The following LGALSL variants were observed in gnomAD, a reference collection of about 807,000 sequenced individuals.
The protein encoded by LGALSL is galectin like, also known as galectin-related protein.
A neutral mutation model predicts 19.5 loss-of-function variants in LGALSL; 13 were observed. That is an observed-to-expected ratio of 0.67 (90% CI 0.43 to 1.06). LGALSL has a LOEUF of 1.06. LGALSL is among the 50% of genes least tolerant of loss of function. The pLI is 0.00. For missense variants in LGALSL, 189 were observed against 219.3 expected (o/e 0.86, Z 0.87); for synonymous variants, 86 against 78.3 (o/e 1.10, Z -0.52).
At position 64,454,853 on chromosome 2, in the gene LGALSL, A is replaced by C. The variant is rs576991654; in HGVS notation, c.36+272A>C. 1.3e-5 allele frequency among the ~76,000 whole-genome samples: 2 copies of C among 149,374 alleles called. No individual in the cohort carries two copies. The highest frequency in any genetic ancestry group is 3.0e-5 in the Non-Finnish European group (2 of 67,308). ...CCGACAGCCCCCTCTGTGCCGTGCA[A>C]CCGCCAGCCAGGTGTGCGCGTGGGT... On this transcript the variant is annotated intron_variant, in intron 1 of 4. Coordinates refer to ENST00000238875, the MANE Select transcript of LGALSL (RefSeq NM_014181.3). This position sits in a 1 kb window ranked among gnomAD's most constrained non-coding sequence, Gnocchi z 5.1.
At chr2:64,456,809 AAATATT>A (rs1035361130) in intron 4 of LGALSL, among the ~76,000 whole-genome samples, 6 of 152,230 alleles carry the variant, frequency 3.9e-5, no homozygotes, top group African/African-American at 1.2e-4. Flanking sequence ...CCCACTTATT[AAATATT>A]AATATTAATA....
chr2:64,460,509 G>A lies in LGALSL; in HGVS notation c.*2081G>A, dbSNP rs930866546. On this transcript the variant is annotated 3_prime_UTR_variant, in exon 5 of 5. Coordinates refer to ENST00000238875, the MANE Select transcript of LGALSL (RefSeq NM_014181.3). ...AATTCAGCAGAAACTAGAGGAGCAG[G>A]GCGTGTACTGATTGGAATTGACACG... The A allele has an allele frequency of 6.6e-6, 1 of 152,130 alleles. No homozygotes were observed. Among genetic ancestry groups the A allele is most frequent in the Admixed American group, 6.5e-5 (1 of 15,270 alleles). 9.4% of individuals were successfully genotyped at this position (152,130 alleles called of 1,614,324 possible).
At chr2:64,455,233 C>A in intron 1 of LGALSL, 111 bp from the exon 2 acceptor site, 1 of 777,466 alleles carries the variant, frequency 1.3e-6, no homozygotes, top group Non-Finnish European at 2.3e-6. Context: ...CATCTGCAGA[C>A]ACTGTGTGCA....
In LGALSL at chr2:64,454,707, C is replaced by T. The variant is rs1278631248; in HGVS notation, c.36+126C>T. 3.3e-5 allele frequency: 19 copies of T among 573,474 alleles called. No individual in the cohort carries two copies. The allele number at this position is 573,474 out of a possible 1,614,324, so 35.5% of individuals were successfully genotyped here. ...GGCCGGCGCCCGGCGCGTGGGAAGGCGCCCGGTACCTGTTAGCAGCCGCTG... is the reference window on the plus strand; with the variant it reads ...GGCCGGCGCCCGGCGCGTGGGAAGGTGCCCGGTACCTGTTAGCAGCCGCTG... On this transcript the variant is annotated intron_variant, in intron 1 of 4. Transcript: ENST00000238875. The surrounding 1 kb of genome is among the most constrained non-coding windows in gnomAD (Gnocchi z 5.1).
Position 64,456,439 on chromosome 2 carries a change from C to G in LGALSL, c.349C>G (p.Pro117Ala). The change falls in exon 4 of 5, where the codon CCA becomes GCA. Residue 117 changes from proline (P) to alanine (A), a missense_variant. Physicochemically the swap from Pro to Ala is conservative, Grantham distance 27. Transcript: ENST00000238875. ...AGAACAGTCAGCAATCCCTTACTTT[C>G]CATTCATTCCAGACCAGCCATTCAG... ...GEEQSAIPYF[P>A]FIPDQPFRVE... The G allele has an allele frequency of 1.3e-6, 2 of 1,597,254 alleles. No homozygotes were observed. Among genetic ancestry groups the G allele is most frequent in the Non-Finnish European group, 1.7e-6 (2 of 1,171,286 alleles).
Position 64,456,399 on chromosome 2 carries a change from T to A in LGALSL, c.309T>A (p.Ser103=), listed in dbSNP as rs750864390. The A allele has an allele frequency of 3.1e-6, 5 of 1,611,742 alleles. No homozygotes were observed. The highest frequency in any genetic ancestry group is 4.2e-6 in the Non-Finnish European group (5 of 1,178,928). ...AGCTACTCAGAAATTCTTGTATATC[T>A]GGGGAGAGGGGTGAAGAACAGTCAG... ...DRQLLRNSCI[S]GERGEEQSAI... The change falls in exon 4 of 5, where the codon TCT becomes TCA. Residue 103 remains serine, a synonymous_variant. Transcript: ENST00000238875.
intron 4 of LGALSL, 62 bp from the exon 5 acceptor site, chr2:64,458,223 T>G: frequency 6.9e-7 from 1 of 1,456,054 alleles, no homozygotes; most frequent in Non-Finnish European, 9.6e-7. Context: ...TAAAATGAAG[T>G]ATTGTTTGTT....
rs1400775121 is a variant in LGALSL, at chr2:64,460,235, C to T, written c.*1807C>T. 6.6e-6 allele frequency: 1 copy of T among 152,182 alleles called. No homozygotes were observed. Among genetic ancestry groups the T allele is most frequent in the African/African-American group, 2.4e-5 (1 of 41,438 alleles). 9.4% of individuals were successfully genotyped at this position (152,182 alleles called of 1,614,324 possible). A position where few individuals can be genotyped will look rare whatever the true frequency, so the allele number is the denominator to read the frequency against. On this transcript the variant is annotated 3_prime_UTR_variant, in exon 5 of 5. Transcript: ENST00000238875. ...ACTGTATCCAACAAGACTGGCTGTACATTGAAAAGCTTTATGTACCAGCCA... is the reference window on the plus strand; with the variant it reads ...ACTGTATCCAACAAGACTGGCTGTATATTGAAAAGCTTTATGTACCAGCCA...
At position 64,455,691 on chromosome 2, in the gene LGALSL, T is replaced by G; in HGVS notation, c.197+14T>G. The G allele has an allele frequency of 1.3e-6, 2 of 1,593,102 alleles. No individual in the cohort carries two copies. The highest frequency in any genetic ancestry group is 2.2e-5 in the South Asian group (2 of 90,600). On this transcript the variant is annotated intron_variant, in intron 3 of 4. Coordinates refer to ENST00000238875, the MANE Select transcript of LGALSL (RefSeq NM_014181.3). ...CAACCCAGAGAGGTAAGGCAGAGTC[T>G]TTGTCAGGACAGAACTATCAGGCTG...
intron 4 of LGALSL, among the ~76,000 whole-genome samples, chr2:64,456,921 G>A (rs1465402414): frequency 6.6e-6 from 1 of 152,112 alleles, no homozygotes; most frequent in Non-Finnish European, 1.5e-5. Context: ...TTGCTAATGA[G>A]GCCATGTTCG....
At chr2:64,455,149 G>A (rs1255586302) in intron 1 of LGALSL, among the ~76,000 whole-genome samples, 195 bp from the exon 2 acceptor site, 1 of 152,178 alleles carries the variant, frequency 6.6e-6, no homozygotes, top group Non-Finnish European at 1.5e-5. Flanking sequence ...ATCTTCAGAG[G>A]CTTAACTACC....
chr2:64,456,364 A>G lies in LGALSL; in HGVS notation c.274A>G (p.Thr92Ala), dbSNP rs371313570. Residue 92 changes from threonine (T) to alanine (A), a missense_variant, in exon 4 of 5, where the codon ACA becomes GCA. Around this residue, in one of 3 missense-constraint regions of LGALSL, gnomAD observed 106 missense variants for 119.3 expected, o/e 0.89. Transcript: ENST00000238875. ...DVAIELKAVFTDRQLLRNSCI... is the reference protein window; with the variant it reads ...DVAIELKAVFADRQLLRNSCI... ...GGCAATCGAACTCAAAGCTGTGTTC[A>G]CAGATCGGCAGCTACTCAGAAATTC... 1.5e-4 allele frequency: 247 copies of G among 1,612,310 alleles called. No homozygotes were observed. The highest frequency in any genetic ancestry group is 2.1e-4 in the Non-Finnish European group (242 of 1,179,266).
Position 64,458,972 on chromosome 2 carries a change from A to G in LGALSL, c.*544A>G, listed in dbSNP as rs1686778012. The G allele has an allele frequency of 6.6e-6, 1 of 152,200 alleles. No individual in the cohort carries two copies. The highest frequency in any genetic ancestry group is 1.5e-5 in the Non-Finnish European group (1 of 68,070). 9.4% of individuals were successfully genotyped at this position (152,200 alleles called of 1,614,324 possible). On this transcript the variant is annotated 3_prime_UTR_variant, in exon 5 of 5. Transcript: ENST00000238875. ...TTCTTGTAGTTATTTATTTATACTC[A>G]ATGTATGTATTAAAGAATGAACAAT...
Position 64,458,460 on chromosome 2 carries a change from G to T in LGALSL, c.*32G>T. ...CCACCTCTATTTCAAATAGGATCAC[G>T]TGCCACAACTATCTGACTGTTGGTC... On this transcript the variant is annotated 3_prime_UTR_variant, in exon 5 of 5. Coordinates refer to ENST00000238875, the MANE Select transcript of LGALSL (RefSeq NM_014181.3). 6.3e-7 allele frequency: 1 copy of T among 1,595,838 alleles called. No individual in the cohort carries two copies. The highest frequency in any genetic ancestry group is 8.6e-7 in the Non-Finnish European group (1 of 1,167,614).
At chr2:64,456,069 A>C (rs558192528) in intron 3 of LGALSL, among the ~76,000 whole-genome samples, 1 of 152,152 alleles carries the variant, frequency 6.6e-6, no homozygotes, top group South Asian at 2.1e-4. Flanking sequence ...GAATTCTCTA[A>C]TTTTAGTCAT....
intron 4 of LGALSL, 21 bp downstream of exon 4, chr2:64,456,486 G>A (rs745727251): frequency 6.8e-5 from 103 of 1,514,896 alleles, no homozygotes; most frequent in Admixed American, 2.4e-4. Context: ...CGAGTGCCTC[G>A]GCTCCAGCCA....
In LGALSL at chr2:64,458,494, G is replaced by A; in HGVS notation, c.*66G>A. On this transcript the variant is annotated 3_prime_UTR_variant, in exon 5 of 5. Transcript: ENST00000238875. ...CTATCTGACTGTTGGTCTGGAAGAA[G>A]TGTCCTAGCAAGATCTGGAGACTTA... is the stretch of plus-strand genomic sequence containing the variant. The A allele has an allele frequency of 6.7e-7, 1 of 1,489,146 alleles. No homozygotes were observed. The highest frequency in any genetic ancestry group is 9.2e-7 in the Non-Finnish European group (1 of 1,084,138). The allele number at this position is 1,489,146 out of a possible 1,614,324, so 92.2% of individuals were successfully genotyped here. A position where few individuals can be genotyped will look rare whatever the true frequency, so the allele number is the denominator to read the frequency against.
Position 64,454,186 on chromosome 2 carries a change from C to A in LGALSL, c.-360C>A. On this transcript the variant is annotated 5_prime_UTR_variant, in exon 1 of 5. Coordinates refer to ENST00000238875, the MANE Select transcript of LGALSL (RefSeq NM_014181.3). The surrounding 1 kb of genome is among the most constrained non-coding windows in gnomAD (Gnocchi z 5.1). Reference sequence around the variant, plus strand: ...TGTTCCCGGTTCCCGAGCCGGGCCCCGGAGGCCTTTAAATGCTGCCCAGGG... The same window carrying A: ...TGTTCCCGGTTCCCGAGCCGGGCCCAGGAGGCCTTTAAATGCTGCCCAGGG... The A allele has an allele frequency of 2.5e-6, 1 of 394,632 alleles. No homozygotes were observed. Among genetic ancestry groups the A allele is most frequent in the Non-Finnish European group, 4.5e-6 (1 of 223,404 alleles). 24.4% of individuals were successfully genotyped at this position (394,632 alleles called of 1,614,324 possible).
At chr2:64,455,037 A>G (rs1252731662) in intron 1 of LGALSL, among the ~76,000 whole-genome samples, 1 of 151,758 alleles carries the variant, frequency 6.6e-6, no homozygotes, top group Non-Finnish European at 1.5e-5. Context: ...CGCTTCCAGA[A>G]GCGTTTACGG....
Sources: allele counts gnomAD v4.1 joint callset (sites outside exome capture counted in the v4.1 genomes callset), GRCh38; gene constraint gnomAD v4.1.1; regional missense constraint gnomAD v4.1.1; non-coding constraint Gnocchi (gnomAD v3.1); transcripts MANE v1.5; gene names NCBI Gene and HGNC (gene_info 2026-07-23, HGNC 2026-07-21).